The following CALCRL variants were observed in gnomAD, a reference collection of about 807,000 sequenced individuals.
CALCRL encodes the protein calcitonin gene-related peptide type 1 receptor.
A neutral mutation model predicts 60.4 loss-of-function variants in CALCRL; 27 were observed. The observed-to-expected ratio is 0.45, with a 90% CI of 0.33 to 0.62. CALCRL has a LOEUF of 0.62. Ranked by LOEUF, CALCRL falls within the 20% of genes least tolerant of loss-of-function variation. The probability of loss-of-function intolerance (pLI) is 0.03; values close to 1 mark genes in which losing one functional copy is unlikely to be tolerated. For missense variants in CALCRL, 424 were observed against 540.7 expected (o/e 0.78, Z 2.14); for synonymous variants, 190 against 182.6 (o/e 1.04, Z -0.33).
chr2:187,418,892 T>C (rs1689740555), intron 1 of CALCRL, among the ~76,000 whole-genome samples: 1 of 148,986 alleles, frequency 6.7e-6, no homozygotes, highest in Non-Finnish European at 1.5e-5. Context: ...AGTCTTGCTC[T>C]GTCACCAGGC....
chr2:187,433,464 A>C (rs997952037), intron 1 of CALCRL, among the ~76,000 whole-genome samples: 6 of 152,104 alleles, frequency 3.9e-5, no homozygotes, highest in Non-Finnish European at 8.8e-5. Flanking sequence ...TCTTCTGAAA[A>C]ATATCGGTTA....
At position 187,360,628 on chromosome 2, in the gene CALCRL, G is replaced by A. The variant is rs1334469019; in HGVS notation, c.751C>T (p.His251Tyr). 1 of 1,611,684 alleles carries A rather than the reference G, an allele frequency of 6.2e-7. No individual in the cohort carries two copies. The highest frequency in any genetic ancestry group is 1.3e-5 in the African/African-American group (1 of 74,786). Residue 251 changes from histidine to tyrosine, a missense_variant, in exon 10 of 15, where the codon CAT becomes TAT. Transcript: ENST00000392370. ...IVVAVFAEKQ[H>Y]LMWYYFLGWG... ...CCAAGAAAATAATACCACATTAAAT[G>A]TTGCTTCTCTGCAAACACGGCCACC... is the stretch of plus-strand genomic sequence containing the variant.
intron 1 of CALCRL, among the ~76,000 whole-genome samples, chr2:187,438,035 T>G (rs1461520265): frequency 6.6e-6 from 1 of 152,166 alleles, no homozygotes; most frequent in African/African-American, 2.4e-5. Context: ...ACATACATAT[T>G]TGAACTCAGA....
rs564133221 is a variant in CALCRL, at chr2:187,418,864, T to C, written c.-293+29175A>G. Among the ~76,000 whole-genome samples, 5 of 148,562 alleles carry C rather than the reference T, an allele frequency of 3.4e-5. No individual in the cohort carries two copies. The South Asian group carries it at 8.6e-4, about 25-fold the overall frequency. ...GTGTTTTTTTTTCTTTTTTTCTTTT[T>C]TTTTTTTTTTTAGATGGAGTCTTGC... On this transcript the variant is annotated intron_variant, in intron 1 of 14. Coordinates refer to ENST00000392370, the MANE Select transcript of CALCRL (RefSeq NM_005795.6).
At chr2:187,404,379 T>TTTTG (rs1248142207) in intron 1 of CALCRL, among the ~76,000 whole-genome samples, 3 of 151,956 alleles carry the variant, frequency 2.0e-5, no homozygotes, top group African/African-American at 7.2e-5. Flanking sequence ...CAAAGTAAGA[T>TTTTG]TTTGTTTTCC....
intron 1 of CALCRL, among the ~76,000 whole-genome samples, chr2:187,410,701 A>G (rs1242918909): frequency 1.3e-5 from 2 of 152,192 alleles, no homozygotes; most frequent in African/African-American, 4.8e-5. Context: ...CATCAGTTCC[A>G]CAGCCCACAG....
chr2:187,373,106 T>C (rs941697898), intron 8 of CALCRL, among the ~76,000 whole-genome samples: 5 of 152,150 alleles, frequency 3.3e-5, no homozygotes, highest in Non-Finnish European at 5.9e-5. Context: ...ATATGTAAGC[T>C]TCAAAGCCAG....
chr2:187,371,575 A>G (rs572140321), intron 8 of CALCRL, among the ~76,000 whole-genome samples: 2 of 152,288 alleles, frequency 1.3e-5, no homozygotes, highest in South Asian at 2.1e-4. Flanking sequence ...GTTTCAACGT[A>G]GGATTTCATT....
At chr2:187,417,755 T>A (rs541654304) in intron 1 of CALCRL, among the ~76,000 whole-genome samples, 3 of 152,284 alleles carry the variant, frequency 2.0e-5, no homozygotes, top group African/African-American at 7.2e-5. Context: ...TATTTTGTTT[T>A]ATGGAAATAT....
intron 8 of CALCRL, among the ~76,000 whole-genome samples, chr2:187,369,877 C>G (rs1317857047): frequency 1.3e-5 from 2 of 152,040 alleles, no homozygotes; most frequent in Non-Finnish European, 2.9e-5. Context: ...GGAAGACATC[C>G]CTGTTTGTCA....
intron 14 of CALCRL, among the ~76,000 whole-genome samples, chr2:187,350,195 A>G (rs977085910): frequency 1.3e-5 from 2 of 151,582 alleles, no homozygotes; most frequent in Non-Finnish European, 3.0e-5. Flanking sequence ...AAATTAGTTC[A>G]TGGAATTAAA....
intron 12 of CALCRL, among the ~76,000 whole-genome samples, chr2:187,352,994 C>G (rs1574209230): frequency 6.6e-6 from 1 of 151,990 alleles, no homozygotes; most frequent in East Asian, 1.9e-4. Context: ...ATAATATTCA[C>G]TATTTTTGTG....
In CALCRL at chr2:187,380,559, CA is replaced by C. The variant is rs780633104; in HGVS notation, c.315del (p.Cys105TrpfsTer31). ...FDPSEKVTKI[C>X]DQDGNWFRHP... is the part of the protein sequence containing the mutation. ...TGTCTAAACCAGTTTCCATCTTGGT[CA>C]CAGATCTTTGTAACTTTTTCTTTAA... On this transcript the variant is annotated frameshift_variant, in exon 7 of 15. Transcript: ENST00000392370. LOFTEE classifies it high-confidence loss of function. 4 of 1,612,218 alleles carry C rather than the reference CA, an allele frequency of 2.5e-6. No homozygotes were observed. The highest frequency in any genetic ancestry group is 2.5e-6 in the Non-Finnish European group (3 of 1,178,868).
chr2:187,434,456 A>C (rs1260801364), intron 1 of CALCRL, among the ~76,000 whole-genome samples: 1 of 152,200 alleles, frequency 6.6e-6, no homozygotes, highest in Non-Finnish European at 1.5e-5. Flanking sequence ...TACACTCAGC[A>C]GACTAGCAAC....
chr2:187,439,669 A>G (rs1404772124), intron 1 of CALCRL, among the ~76,000 whole-genome samples: 1 of 152,156 alleles, frequency 6.6e-6, no homozygotes, highest in East Asian at 1.9e-4. Context: ...AGCTCTTTAG[A>G]AGAGTTCACA....
chr2:187,375,012 C>T (rs1574244247), intron 8 of CALCRL, among the ~76,000 whole-genome samples: 1 of 152,080 alleles, frequency 6.6e-6, no homozygotes, highest in African/African-American at 2.4e-5. Flanking sequence ...GTGGCTCACG[C>T]CTGTAATCCC....
At chr2:187,411,927 C>T (rs991784036) in intron 1 of CALCRL, among the ~76,000 whole-genome samples, 4 of 128,534 alleles carry the variant, frequency 3.1e-5, no homozygotes, top group Admixed American at 2.9e-4. Flanking sequence ...ACCTGGGAGG[C>T]GGAGCTTGCA....
intron 1 of CALCRL, among the ~76,000 whole-genome samples, chr2:187,408,749 T>G (rs905950102): frequency 6.6e-6 from 1 of 152,106 alleles, no homozygotes; most frequent in Non-Finnish European, 1.5e-5. Flanking sequence ...ATAAATTAAG[T>G]AATTTAATAA....
At chr2:187,415,183 A>C (rs915180236) in intron 1 of CALCRL, among the ~76,000 whole-genome samples, 1 of 152,222 alleles carries the variant, frequency 6.6e-6, no homozygotes, top group South Asian at 2.1e-4. Context: ...AGGGATATAG[A>C]ATATATGAAA....
Sources: allele counts gnomAD v4.1 joint callset (sites outside exome capture counted in the v4.1 genomes callset), GRCh38; gene constraint gnomAD v4.1.1; transcripts MANE v1.5; gene names NCBI Gene and HGNC (gene_info 2026-07-23, HGNC 2026-07-21).